CDC45: variants seen among roughly 807,000 people sequenced by gnomAD.
The protein encoded by CDC45 is cell division cycle 45, also known as cell division control protein 45 homolog.
Under a neutral mutation model 77.8 loss-of-function variants are expected in CDC45, and 54 were observed. The observed-to-expected ratio is 0.69, with a 90% confidence interval of 0.56 to 0.87. The LOEUF (loss-of-function observed/expected upper bound fraction) is 0.87. Among genes scored for constraint, CDC45 ranks in the 40% least tolerant of loss-of-function variants. The pLI is 0.00. For synonymous variants in CDC45, 260 were observed against 272.1 expected, an observed-to-expected ratio of 0.96 and a Z score of 0.44; for missense variants, 649 against 721.6, an observed-to-expected ratio of 0.90 and a Z score of 1.15.
chr22:19,505,402 G>A lies in CDC45; in HGVS notation c.745G>A (p.Val249Ile), dbSNP rs779593928. 40 of 1,613,180 alleles carry A rather than the reference G, an allele frequency of 2.5e-5. No individual in the cohort carries two copies. Among genetic ancestry groups the A allele is most frequent in the East Asian group, 6.7e-5 (3 of 44,868 alleles). The change falls in exon 10 of 19, where the codon GTT becomes ATT. Residue 249 changes from valine (V) to isoleucine (I), a missense_variant. Coordinates refer to ENST00000263201, the MANE Select transcript of CDC45 (RefSeq NM_003504.5). ...TGATGTTGGTGTCCTGCAGCGCCAC[G>A]TTTCCCGCCACAACCACCGGAACGA... ...VTDVGVLQRHVSRHNHRNEDE... is the reference protein window; with the variant it reads ...VTDVGVLQRHISRHNHRNEDE...
rs1211923509 is a variant in CDC45 at position 19,495,986 on chromosome 22, A to G, written c.548A>G (p.Asp183Gly). 1 of 1,610,448 alleles carries G rather than the reference A, an allele frequency of 6.2e-7. No homozygotes were observed. Among genetic ancestry groups the G allele is most frequent in the Admixed American group, 1.7e-5 (1 of 59,980 alleles). ...TGCATTTTATGTCATTACAGAAGAG[A>G]CATCCTCTTTGACTACGAGCAGTAT... is the stretch of plus-strand genomic sequence containing the variant. ...QRREWEARRR[D>G]ILFDYEQYEY... Residue 183 changes from aspartate (D) to glycine (G), a missense_variant, in exon 7 of 19, where the codon GAC (aspartate) becomes GGC (glycine). By Grantham distance (94) the Asp-to-Gly change is moderately conservative (BLOSUM62 -1). Transcript: ENST00000263201.
chr22:19,486,439 TACCTTACC>T (rs1345842557), intron 5 of CDC45, among the ~76,000 whole-genome samples: 1 of 152,230 alleles, frequency 6.6e-6, no homozygotes, highest in Non-Finnish European at 1.5e-5. Flanking sequence ...CCTAGAACCA[TACCTTACC>T]TCTTTTTTTT....
chr22:19,498,161 T>C (rs1221766828), intron 8 of CDC45, among the ~76,000 whole-genome samples: 1 of 151,944 alleles, frequency 6.6e-6, no homozygotes, highest in Non-Finnish European at 1.5e-5. Context: ...GCGACAAGAA[T>C]GAAACTCTGT....
At chr22:19,504,097 G>A (rs1433303880) in intron 9 of CDC45, among the ~76,000 whole-genome samples, 1 of 152,234 alleles carries the variant, frequency 6.6e-6, no homozygotes, top group African/African-American at 2.4e-5. Flanking sequence ...CCCACAAGGG[G>A]CTCGAGGCTA....
rs1321222066 is a variant in CDC45, at chr22:19,494,602, GGT to G, written c.542+221_542+222del. 5.2e-6 allele frequency: 8 copies of G among 1,540,028 alleles called. No homozygotes were observed. Among genetic ancestry groups the G allele is most frequent in the Non-Finnish European group, 6.1e-6 (7 of 1,142,766 alleles). On this transcript the variant is annotated intron_variant, in intron 6 of 18. Transcript: ENST00000263201. ...GACAGGACAGCCCCAAGGTCTCCCA[GGT>G]ACATGCCATCCATTAGAGACCATGG...
intron 17 of CDC45, among the ~76,000 whole-genome samples, chr22:19,517,424 C>G (rs1280529132): frequency 1.3e-5 from 2 of 152,232 alleles, no homozygotes; most frequent in Non-Finnish European, 2.9e-5. Context: ...CCACTGCTTC[C>G]CCAGCACCAG....
intron 13 of CDC45, among the ~76,000 whole-genome samples, chr22:19,511,608 G>A (rs1377061959): frequency 1.3e-5 from 2 of 152,066 alleles, no homozygotes; most frequent in Non-Finnish European, 2.9e-5. Flanking sequence ...GGGATTATAG[G>A]TATGAACCAC....
chr22:19,514,727 C>G (rs373975496), intron 13 of CDC45, 22 bp from the exon 14 acceptor site: 153 of 1,572,214 alleles, frequency 9.7e-5, no homozygotes, highest in Non-Finnish European at 1.3e-4. Context: ...ACCACCAAAG[C>G]CATGTGTCTG....
At position 19,511,530 on chromosome 22, in the gene CDC45, A is replaced by G. The variant is rs183282963; in HGVS notation, c.1217+2839A>G. 3.9e-4 allele frequency among the ~76,000 whole-genome samples: 59 copies of G among 152,056 alleles called. 1 individual carries two copies. Among genetic ancestry groups the G allele is most frequent in the Admixed American group, 1.6e-3 (25 of 15,254 alleles). On this transcript the variant is annotated intron_variant, in intron 13 of 18. Coordinates refer to ENST00000263201, the MANE Select transcript of CDC45 (RefSeq NM_003504.5). ...TTTTTAGTAGAGATGAGATCTTACC[A>G]TGTTGCTCAGGCTGGTCTCAAACTC...
intron 3 of CDC45, among the ~76,000 whole-genome samples, chr22:19,482,095 C>G (rs916778234): frequency 6.6e-6 from 1 of 152,104 alleles, no homozygotes; most frequent in African/African-American, 2.4e-5. Context: ...AGAGATGGGA[C>G]ATTGTACACC....
intron 5 of CDC45, among the ~76,000 whole-genome samples, chr22:19,489,089 T>C (rs1464170350): frequency 6.6e-6 from 1 of 151,990 alleles, no homozygotes; most frequent in Non-Finnish European, 1.5e-5. Flanking sequence ...GGTGGGAGAA[T>C]CACCTGAGCC....
chr22:19,494,455 C>T, intron 6 of CDC45, 73 bp downstream of exon 6: 1 of 1,591,546 alleles, frequency 6.3e-7, no homozygotes, highest in Non-Finnish European at 8.6e-7. Flanking sequence ...CCACCCATAC[C>T]TCTGACTTCC....
chr22:19,485,472 A>T (rs1449027085), intron 5 of CDC45, among the ~76,000 whole-genome samples: 1 of 152,188 alleles, frequency 6.6e-6, no homozygotes. Flanking sequence ...GCATCCATAG[A>T]CACTGCAGCT....
intron 5 of CDC45, among the ~76,000 whole-genome samples, chr22:19,491,010 T>G (rs1413378420): frequency 6.6e-6 from 1 of 151,644 alleles, no homozygotes; most frequent in African/African-American, 2.4e-5. Context: ...GTATTTTTAG[T>G]AGAGATGGTT....
At chr22:19,484,059 G>A (rs932925447) in intron 5 of CDC45, 54 bp downstream of exon 5, 23 of 1,533,806 alleles carry the variant, frequency 1.5e-5, no homozygotes, top group Middle Eastern at 1.7e-4. Flanking sequence ...CCCAGAGGTC[G>A]GAGGTCATCC....
chr22:19,507,447 A>G lies in CDC45; in HGVS notation c.886A>G (p.Thr296Ala), dbSNP rs1375008434. The G allele has an allele frequency of 1.7e-5, 27 of 1,613,988 alleles. No individual in the cohort carries two copies. The highest frequency in any genetic ancestry group is 2.2e-5 in the Non-Finnish European group (26 of 1,180,022). Reference protein sequence around the residue: ...LHDSLCNTSYTAARFKLWSVH... With the variant: ...LHDSLCNTSYAAARFKLWSVH... ...TGACAGCCTGTGCAACACCAGCTAT[A>G]CCGCAGCCAGGTTCAAGCTGTGGTC... Residue 296 changes from threonine (T) to alanine (A), a missense_variant, in exon 11 of 19, where the codon ACC becomes GCC. Transcript: ENST00000263201.
chr22:19,497,062 A>G (rs1216810133), intron 7 of CDC45, among the ~76,000 whole-genome samples: 12 of 152,144 alleles, frequency 7.9e-5, no homozygotes. Context: ...TCACTGAGGA[A>G]CACAGGGAGA....
chr22:19,507,954 C>G, intron 12 of CDC45, 90 bp downstream of exon 12: 1 of 798,542 alleles, frequency 1.3e-6, no homozygotes. Flanking sequence ...TAAAATAATG[C>G]AAAAAAAACC....
At chr22:19,510,377 C>T (rs1004708263) in intron 13 of CDC45, among the ~76,000 whole-genome samples, 3 of 152,186 alleles carry the variant, frequency 2.0e-5, no homozygotes, top group Non-Finnish European at 4.4e-5. Flanking sequence ...CTGGCAACCA[C>T]CAGTCTCCCT....
Sources: gnomAD v4.1 joint callset for allele counts (sites outside exome capture counted in the v4.1 genomes callset) on GRCh38, gnomAD v4.1.1 for gene constraint, MANE v1.5 for transcripts, NCBI Gene and HGNC (gene_info 2026-07-23, HGNC 2026-07-21) for gene names.